Variants in TRIM44 observed in about 807,000 individuals in gnomAD.
The protein encoded by TRIM44 is tripartite motif containing 44.
A neutral mutation model predicts 37.4 loss-of-function variants in TRIM44; 13 were observed. The ratio of observed to expected loss-of-function variants is 0.35; its 90% CI spans 0.23 to 0.55. The LOEUF (loss-of-function observed/expected upper bound fraction) is 0.55, where lower values mean the gene tolerates loss of function less well. Among genes scored for constraint, TRIM44 ranks in the 20% least tolerant of loss-of-function variants. TRIM44 has a pLI of 0.89. For missense variants in TRIM44, 426 were observed against 437.2 expected (o/e 0.97, Z 0.23); for synonymous variants, 175 against 157.2 (o/e 1.11, Z -0.85).
chr11:35,742,506 A>T (rs1256605882), intron 4 of TRIM44, among the ~76,000 whole-genome samples: 2 of 130,338 alleles, frequency 1.5e-5, no homozygotes, highest in Non-Finnish European at 3.1e-5. Flanking sequence ...AATTATATTA[A>T]ATATAATTAT....
chr11:35,773,668 G>A (rs1176767866), intron 4 of TRIM44, among the ~76,000 whole-genome samples: 3 of 151,980 alleles, frequency 2.0e-5, no homozygotes, highest in African/African-American at 7.3e-5. Context: ...TCCCCACCCT[G>A]TGTCCAAGCA....
chr11:35,726,178 C>G lies in TRIM44; in HGVS notation c.987+15C>G. The G allele has an allele frequency of 6.2e-7, 1 of 1,610,534 alleles. No homozygotes were observed. Among genetic ancestry groups the G allele is most frequent in the Non-Finnish European group, 8.5e-7 (1 of 1,177,746 alleles). On this transcript the variant is annotated intron_variant, in intron 3 of 4. Transcript: ENST00000299413. Reference sequence around the variant, plus strand: ...CAAAGGCAGAGGTAAAGGAAAAGCCCATAATTATTAGTAGCAAGAGAAATA... The same window carrying G: ...CAAAGGCAGAGGTAAAGGAAAAGCCGATAATTATTAGTAGCAAGAGAAATA...
In TRIM44 at chr11:35,757,885, C is replaced by A. The variant is rs535795181; in HGVS notation, c.1007+22440C>A. On this transcript the variant is annotated intron_variant, in intron 4 of 4. Transcript: ENST00000299413. ...GAGACAATTTGTTATAATTTCTGTT[C>A]TTTTACATTTGCTGAGGAGTACTTT... is the stretch of plus-strand genomic sequence containing the variant. 3.9e-5 allele frequency among the ~76,000 whole-genome samples: 6 copies of A among 152,240 alleles called. No individual in the cohort carries two copies. In the South Asian group the frequency reaches 8.3e-4, roughly 21 times the overall value.
rs1852898381 is a variant in TRIM44 at position 35,773,214 on chromosome 11, CT to C, written c.1008-33139del. 3.9e-5 allele frequency among the ~76,000 whole-genome samples: 6 copies of C among 152,284 alleles called. No individual in the cohort carries two copies. The South Asian group carries it at 1.2e-3, about 32-fold the overall frequency. ...GGAACTGTTAAGTCCAATTAAACCT[CT>C]TTTTCTTGCCAGTCTCGGTTATGTC... is the stretch of plus-strand genomic sequence containing the variant. On this transcript the variant is annotated intron_variant, in intron 4 of 4. Transcript: ENST00000299413.
intron 4 of TRIM44, among the ~76,000 whole-genome samples, chr11:35,803,987 GAA>G (rs201464930): frequency 4.3e-4 from 51 of 118,086 alleles, no homozygotes; most frequent in African/African-American, 1.2e-3. Context: ...GTTCTGGGAA[GAA>G]AAAAAAAAAA....
chr11:35,760,330 T>C (rs2133859259), intron 4 of TRIM44, among the ~76,000 whole-genome samples: 1 of 152,338 alleles, frequency 6.6e-6, no homozygotes, highest in South Asian at 2.1e-4. Flanking sequence ...TGCCATTTGC[T>C]AAGACCGTTG....
chr11:35,805,344 C>T (rs973666526), intron 4 of TRIM44, among the ~76,000 whole-genome samples: 1 of 152,162 alleles, frequency 6.6e-6, no homozygotes, highest in Non-Finnish European at 1.5e-5. Context: ...AAGTTTGCTA[C>T]GTTTGCTTTT....
chr11:35,780,917 G>A (rs1853055725), intron 4 of TRIM44, among the ~76,000 whole-genome samples: 1 of 152,108 alleles, frequency 6.6e-6, no homozygotes, highest in Non-Finnish European at 1.5e-5. Flanking sequence ...AGGATACAGG[G>A]TGAACAAATC....
chr11:35,787,905 CT>C lies in TRIM44; in HGVS notation c.1008-18450del, dbSNP rs77603734. ...ACTGTTCACAGCCTCACTTCCTAGC[CT>C]TTGTAATGAATTACCCTGTTTATGG... On this transcript the variant is annotated intron_variant, in intron 4 of 4. Transcript: ENST00000299413. Among the ~76,000 whole-genome samples the C allele has an allele frequency of 0.014, 2,112 of 152,302 alleles. 119 individuals carry two copies. In the East Asian group the frequency reaches 0.14, roughly 10 times the overall value.
In TRIM44 at chr11:35,735,655, TTTG is replaced by T; in HGVS notation, c.1007+215_1007+217del. 1.3e-5 allele frequency among the ~76,000 whole-genome samples: 2 copies of T among 152,304 alleles called. 1 individual carries two copies. Among genetic ancestry groups the T allele is most frequent in the South Asian group, 4.2e-4 (2 of 4,816 alleles). On this transcript the variant is annotated intron_variant, in intron 4 of 4. Coordinates refer to ENST00000299413, the MANE Select transcript of TRIM44 (RefSeq NM_017583.6). Reference sequence around the variant, plus strand: ...TGCCTGTAACCTTCAGATAAGTAACTTTGTTGTATTCTTTTGTACATTCAGAAT... The same window carrying T: ...TGCCTGTAACCTTCAGATAAGTAACTTTGTATTCTTTTGTACATTCAGAAT...
chr11:35,699,788 A>G (rs1334259160), intron 2 of TRIM44, among the ~76,000 whole-genome samples: 1 of 152,014 alleles, frequency 6.6e-6, no homozygotes, highest in Non-Finnish European at 1.5e-5. Context: ...CAAAAATCAC[A>G]AGCATTCTTA....
chr11:35,774,917 G>C (rs1427052111), intron 4 of TRIM44, among the ~76,000 whole-genome samples: 2 of 152,132 alleles, frequency 1.3e-5, no homozygotes, highest in East Asian at 3.8e-4. Flanking sequence ...CTCCATCTTC[G>C]TTCTTTTGGC....
chr11:35,682,422 A>T (rs994705719), intron 1 of TRIM44, among the ~76,000 whole-genome samples: 9 of 152,084 alleles, frequency 5.9e-5, no homozygotes, highest in African/African-American at 2.2e-4. Flanking sequence ...TTGGGGCCAG[A>T]GTCCTCCATT....
At chr11:35,797,942 A>C (rs1281490848) in intron 4 of TRIM44, among the ~76,000 whole-genome samples, 4 of 152,200 alleles carry the variant, frequency 2.6e-5, no homozygotes, top group Non-Finnish European at 4.4e-5. Flanking sequence ...TCAATTTAAA[A>C]AGTTTATTTT....
intron 1 of TRIM44, among the ~76,000 whole-genome samples, chr11:35,672,018 A>G: frequency 6.6e-6 from 1 of 152,200 alleles, no homozygotes; most frequent in Middle Eastern, 3.2e-3. Flanking sequence ...GGATCTGACA[A>G]AAGAGCTTGA....
intron 2 of TRIM44, 146 bp downstream of exon 2, chr11:35,685,482 A>G (rs920484294): frequency 4.6e-6 from 3 of 654,306 alleles, no homozygotes; most frequent in Admixed American, 5.9e-5. Context: ...GTGTCCTGAT[A>G]TGCCTAGAGA....
intron 2 of TRIM44, among the ~76,000 whole-genome samples, chr11:35,716,938 ATAAT>A (rs545768248): frequency 1.3e-5 from 2 of 152,200 alleles, no homozygotes; most frequent in South Asian, 4.1e-4. Context: ...CATCATCATG[ATAAT>A]TAATTGCAGT....
chr11:35,715,003 C>T (rs117797977), intron 2 of TRIM44, among the ~76,000 whole-genome samples: 1,609 of 152,286 alleles, frequency 0.011, 18 homozygotes, highest in Non-Finnish European at 0.016. Flanking sequence ...TTTGTGATTG[C>T]TTTCTTTATT....
At chr11:35,679,836 C>T (rs1851504463) in intron 1 of TRIM44, among the ~76,000 whole-genome samples, 1 of 152,148 alleles carries the variant, frequency 6.6e-6, no homozygotes, top group Admixed American at 6.5e-5. Context: ...TTGATCTGGT[C>T]CATCTTCCTC....
Sources: gnomAD v4.1 joint callset for allele counts (sites outside exome capture counted in the v4.1 genomes callset) on GRCh38, gnomAD v4.1.1 for gene constraint, MANE v1.5 for transcripts, NCBI Gene and HGNC (gene_info 2026-07-23, HGNC 2026-07-21) for gene names.